PCDHGA2: variants seen among roughly 807,000 people sequenced by gnomAD.
PCDHGA2 encodes protocadherin gamma-A2.
PCDHGA2 carries 40 observed loss-of-function variants against 59.2 expected under a neutral mutation model. The observed-to-expected ratio is 0.68, with a 90% CI of 0.52 to 0.88. The LOEUF is 0.88. Among genes scored for constraint, PCDHGA2 ranks in the 40% least tolerant of loss-of-function variants. PCDHGA2 has a pLI of 0.00. For missense variants in PCDHGA2, 1,226 were observed against 1,204.0 expected (o/e 1.02, Z -0.27); for synonymous variants, 560 against 526.0 (o/e 1.06, Z -0.89).
At position 141,399,586 on chromosome 5, in the gene PCDHGA2, A is replaced by G. The variant is rs751097540; in HGVS notation, c.2424+58191A>G. The G allele has an allele frequency of 6.2e-6, 10 of 1,613,830 alleles. No individual in the cohort carries two copies. The East Asian group carries it at 1.3e-4, about 22-fold the overall frequency. Reference sequence around the variant, plus strand: ...GTTGAACGGCCAAGTCTCCTACTCTATCATGGCCAGCGACCTAGAGCCTCT... The same window carrying G: ...GTTGAACGGCCAAGTCTCCTACTCTGTCATGGCCAGCGACCTAGAGCCTCT... On this transcript the variant is annotated intron_variant, in intron 1 of 3. Coordinates refer to ENST00000394576, the MANE Select transcript of PCDHGA2 (RefSeq NM_018915.4).
rs751318430 is a variant in PCDHGA2 at position 141,485,603 on chromosome 5, G to A, written c.2425-9204G>A. 1 of 1,612,482 alleles carries A rather than the reference G, an allele frequency of 6.2e-7. No homozygotes were observed. The stretch of plus-strand genomic sequence containing the variant: ...GCAGCAGCTGGACTTGGAAATTGGG[G>A]AGGCAGCTCCTCCAGGACAGCGTTT... On this transcript the variant is annotated intron_variant, in intron 1 of 3. Coordinates refer to ENST00000394576, the MANE Select transcript of PCDHGA2 (RefSeq NM_018915.4). This position sits in a 1 kb window ranked among gnomAD's most constrained non-coding sequence, Gnocchi z 5.7.
intron 1 of PCDHGA2, chr5:141,394,390 G>C (rs758609540): frequency 1.2e-6 from 2 of 1,614,100 alleles, no homozygotes; most frequent in Non-Finnish European, 1.7e-6. Context: ...GAGCAGATCC[G>C]AGACCTGCAG....
intron 1 of PCDHGA2, among the ~76,000 whole-genome samples, chr5:141,460,418 G>C (rs905215023): frequency 3.3e-5 from 5 of 152,096 alleles, no homozygotes; most frequent in Admixed American, 6.5e-5. Flanking sequence ...TGATGTTTAT[G>C]TATGGTGTAT....
intron 1 of PCDHGA2, among the ~76,000 whole-genome samples, chr5:141,407,170 AC>A (rs2154538102): frequency 6.6e-6 from 1 of 152,368 alleles, no homozygotes; most frequent in Admixed American, 6.5e-5. Flanking sequence ...ATCCTTTATG[AC>A]ATACAGACAT....
intron 1 of PCDHGA2, chr5:141,356,709 C>T (rs1760315750): frequency 1.9e-6 from 3 of 1,613,998 alleles, no homozygotes; most frequent in African/African-American, 2.7e-5. Context: ...CTCTGTCCTC[C>T]TATGTCTCCA....
At chr5:141,351,785 G>T in intron 1 of PCDHGA2, 3 of 1,613,436 alleles carry the variant, frequency 1.9e-6, no homozygotes, top group Non-Finnish European at 2.5e-6. Flanking sequence ...GCAGAGCGGG[G>T]TGGTGTTCGC....
At chr5:141,402,398 ATTG>A (rs1159125909) in intron 1 of PCDHGA2, among the ~76,000 whole-genome samples, 19 of 152,216 alleles carry the variant, frequency 1.2e-4, no homozygotes, top group African/African-American at 4.6e-4. Context: ...ACTTCAGAAA[ATTG>A]TTAAGATACA....
At chr5:141,480,178 C>T (rs143309515) in intron 1 of PCDHGA2, among the ~76,000 whole-genome samples, 346 of 150,752 alleles carry the variant, frequency 2.3e-3, no homozygotes, top group Non-Finnish European at 2.8e-3. Flanking sequence ...CTGAGGCAGG[C>T]GGATTGCTTG....
rs765232792 is a variant in PCDHGA2, at chr5:141,341,117, C to T, written c.2146C>T (p.Leu716=). 4.3e-6 allele frequency: 7 copies of T among 1,614,242 alleles called. No homozygotes were observed. Among genetic ancestry groups the T allele is most frequent in the Admixed American group, 1.7e-5 (1 of 60,034 alleles). ...CGTCATCGTGTTGCTGGCGCACAGG[C>T]TGCGGCGCTGGCACAAGTCACGCCT... ...AFVIVLLAHR[L]RRWHKSRLLQ... is the part of the protein sequence containing the mutation. The change falls in exon 1 of 4, where the codon CTG becomes TTG. Residue 716 remains leucine (L), a synonymous_variant. Transcript: ENST00000394576.
intron 2 of PCDHGA2, among the ~76,000 whole-genome samples, chr5:141,496,347 T>C (rs1168306693): frequency 6.6e-6 from 1 of 152,198 alleles, no homozygotes; most frequent in Non-Finnish European, 1.5e-5. Context: ...TGGAGGAGTC[T>C]CAGAGCCCAG....
At chr5:141,394,471 T>C (rs2093007845) in intron 1 of PCDHGA2, 3 of 1,614,250 alleles carry the variant, frequency 1.9e-6, no homozygotes, top group Non-Finnish European at 2.5e-6. Flanking sequence ...CTGTTCGTGC[T>C]GGACCAGAAT....
At position 141,433,275 on chromosome 5, in the gene PCDHGA2, C is replaced by G. The variant is rs1173546273; in HGVS notation, c.2425-61532C>G. 1.5e-5 allele frequency: 19 copies of G among 1,229,998 alleles called. No homozygotes were observed. In the East Asian group the frequency reaches 3.6e-4, roughly 23 times the overall value. The allele number at this position is 1,229,998 out of a possible 1,614,324, so 76.2% of individuals were successfully genotyped here. A position where few individuals can be genotyped will look rare whatever the true frequency, so the allele number is the denominator to read the frequency against. On this transcript the variant is annotated intron_variant, in intron 1 of 3. Transcript: ENST00000394576. ...GCGGTACGATCATAGCTCACTGCAG[C>G]CTCAAACTCCTAGGCTCAAGCAATT...
intron 1 of PCDHGA2, chr5:141,392,231 C>T (rs1225616326): frequency 6.6e-6 from 1 of 152,078 alleles, no homozygotes; most frequent in Non-Finnish European, 1.5e-5. Context: ...AACTGAAGTT[C>T]TTAGTTATTT....
At chr5:141,361,527 C>G in intron 1 of PCDHGA2, 1 of 1,614,060 alleles carries the variant, frequency 6.2e-7, no homozygotes, top group Non-Finnish European at 8.5e-7. Context: ...TGGCAGAGAA[C>G]AATCCTCCTG....
chr5:141,350,304 T>C (rs1159317913), intron 1 of PCDHGA2: 3 of 1,521,476 alleles, frequency 2.0e-6, no homozygotes, highest in Non-Finnish European at 2.6e-6. Context: ...AGTCAGGTAC[T>C]GTTTCCCTTC....
intron 1 of PCDHGA2, chr5:141,375,132 CA>C (rs1265573516): frequency 6.2e-7 from 1 of 1,613,834 alleles, no homozygotes; most frequent in Non-Finnish European, 8.5e-7. Context: ...GTGGTTGTTA[CA>C]TCTGGAAGCA....
At chr5:141,383,665 C>T (rs1779352748) in intron 1 of PCDHGA2, 2 of 1,613,970 alleles carry the variant, frequency 1.2e-6, no homozygotes, top group Non-Finnish European at 1.7e-6. Flanking sequence ...CGAGAATGTG[C>T]CAGTGGGTAC....
intron 1 of PCDHGA2, chr5:141,370,488 C>T (rs758506114): frequency 1.2e-6 from 2 of 1,613,906 alleles, no homozygotes; most frequent in Admixed American, 3.3e-5. Flanking sequence ...TCTCTCCGAA[C>T]CGATCCGCTA....
chr5:141,366,058 G>T, intron 1 of PCDHGA2: 1 of 1,614,242 alleles, frequency 6.2e-7, no homozygotes. Context: ...CGGGCGTGGA[G>T]CTGGCGCCTC....
Sources: gnomAD v4.1 joint callset for allele counts (sites outside exome capture counted in the v4.1 genomes callset) on GRCh38, gnomAD v4.1.1 for gene constraint, Gnocchi (gnomAD v3.1) non-coding constraint, MANE v1.5 for transcripts, NCBI Gene and HGNC (gene_info 2026-07-23, HGNC 2026-07-21) for gene names.